The following GPHN variants were observed in gnomAD, a reference collection of about 807,000 sequenced individuals.
The protein encoded by GPHN is gephyrin.
Under a neutral mutation model 95.5 loss-of-function variants are expected in GPHN, and 17 were observed. The observed-to-expected ratio is 0.18, with a 90% CI of 0.12 to 0.27. GPHN has a LOEUF of 0.27. Ranked by LOEUF, GPHN falls within the 10% of genes least tolerant of loss-of-function variation. GPHN has a pLI of 1.00. For synonymous variants in GPHN, 320 were observed against 322.5 expected (o/e 0.99, Z 0.08); for missense variants, 660 against 978.1 (o/e 0.67, Z 4.34).
intron 4 of GPHN, among the ~76,000 whole-genome samples, chr14:66,878,816 C>T (rs914751467): frequency 6.6e-6 from 1 of 152,114 alleles, no homozygotes. Flanking sequence ...GGCGATTCCT[C>T]AAGGATCTAG....
the GPHN span, among the ~76,000 whole-genome samples, chr14:67,313,628 T>G: frequency 6.6e-6 from 1 of 152,088 alleles, no homozygotes; most frequent in African/African-American, 2.4e-5. Flanking sequence ...ATGATAAAAA[T>G]AGGGATATAG....
chr14:67,163,978 A>G (rs989664773), intron 19 of GPHN, among the ~76,000 whole-genome samples: 12 of 152,062 alleles, frequency 7.9e-5, no homozygotes, highest in African/African-American at 2.9e-4. Context: ...TTAAATTACT[A>G]TTAATTGTGG....
chr14:67,584,702 T>A, the GPHN span, among the ~76,000 whole-genome samples: 1 of 152,234 alleles, frequency 6.6e-6, no homozygotes, highest in Non-Finnish European at 1.5e-5. Flanking sequence ...TCCTACTATG[T>A]CCAGTGCTGG....
At chr14:66,606,420 T>C (rs2062538207) in intron 1 of GPHN, among the ~76,000 whole-genome samples, 2 of 151,948 alleles carry the variant, frequency 1.3e-5, no homozygotes, top group Non-Finnish European at 2.9e-5. Context: ...TGAAGTCAGG[T>C]AGTGTTCTTT....
chr14:66,699,957 G>A (rs2068405863), intron 2 of GPHN, among the ~76,000 whole-genome samples: 1 of 152,116 alleles, frequency 6.6e-6, no homozygotes, highest in Non-Finnish European at 1.5e-5. Context: ...GTTTTCTTAT[G>A]ACTGGATAAC....
At chr14:66,536,831 A>C (rs558954038) in intron 1 of GPHN, among the ~76,000 whole-genome samples, 1 of 151,948 alleles carries the variant, frequency 6.6e-6, no homozygotes, top group African/African-American at 2.4e-5. Context: ...CTGTTCTCTC[A>C]GTTTTGAGAG....
the GPHN span, among the ~76,000 whole-genome samples, chr14:67,430,862 G>T: frequency 6.6e-6 from 1 of 152,164 alleles, no homozygotes; most frequent in Non-Finnish European, 1.5e-5. Flanking sequence ...GTCCCTTCCT[G>T]CTGTGACTTT....
At chr14:67,433,680 C>T in the GPHN span, among the ~76,000 whole-genome samples, 1 of 152,088 alleles carries the variant, frequency 6.6e-6, no homozygotes, top group Non-Finnish European at 1.5e-5. Context: ...CTTAAAAAAG[C>T]AGTCATCACT....
At chr14:67,056,860 C>T (rs2075597979) in intron 10 of GPHN, among the ~76,000 whole-genome samples, 1 of 152,192 alleles carries the variant, frequency 6.6e-6, no homozygotes, top group South Asian at 2.1e-4. Context: ...GAGCCCTGCC[C>T]CGCAAGGAGG....
At chr14:67,270,705 C>T in the GPHN span, 1 of 151,572 alleles carries the variant, frequency 6.6e-6, no homozygotes, top group Admixed American at 6.6e-5. Flanking sequence ...GGAGTGCCTG[C>T]TTAAAAATTA....
chr14:67,625,342 G>A, the GPHN span, among the ~76,000 whole-genome samples: 1 of 152,034 alleles, frequency 6.6e-6, no homozygotes, highest in Non-Finnish European at 1.5e-5. Context: ...AATTAAACTT[G>A]ACTTAGCTAA....
the GPHN span, among the ~76,000 whole-genome samples, chr14:67,226,666 TTTTG>T: frequency 6.6e-6 from 1 of 152,006 alleles, no homozygotes; most frequent in African/African-American, 2.4e-5. Flanking sequence ...TGGCTGAGCA[TTTTG>T]TTTATTAACA....
In GPHN at chr14:66,576,552, G is replaced by T. The variant is rs189168230; in HGVS notation, c.64+67961G>T. Among the ~76,000 whole-genome samples, 455 of 152,002 alleles carry T rather than the reference G, an allele frequency of 3.0e-3. 3 individuals are homozygous for T. Among genetic ancestry groups the T allele is most frequent in the African/African-American group, 0.011 (437 of 41,440 alleles). On this transcript the variant is annotated intron_variant, in intron 1 of 22. Transcript: ENST00000478722. ...ATATCTCTAATAACAGGGGCTTCAG[G>T]ATTGCAATCTGCTTAGAAGAGTAGG...
At chr14:67,649,716 G>A in the GPHN span, 7 of 152,086 alleles carry the variant, frequency 4.6e-5, no homozygotes, top group African/African-American at 9.7e-5. Context: ...GATGCTGAAC[G>A]GACATGATGG....
At chr14:67,203,762 G>T in the GPHN span, among the ~76,000 whole-genome samples, 1,140 of 152,242 alleles carry the variant, frequency 7.5e-3, 7 homozygotes, top group Non-Finnish European at 0.01. Flanking sequence ...ACCCAGGCTG[G>T]AGTGCAATGG....
At chr14:67,208,089 G>T in the GPHN span, 2 of 1,437,118 alleles carry the variant, frequency 1.4e-6, no homozygotes, top group Non-Finnish European at 9.4e-7. Flanking sequence ...TACTCCTCAC[G>T]GGTGCTCAGT....
At chr14:66,891,763 T>TA (rs1555432773) in intron 5 of GPHN, among the ~76,000 whole-genome samples, 17 of 133,302 alleles carry the variant, frequency 1.3e-4, no homozygotes, top group Admixed American at 2.2e-4. Context: ...TATATATATA[T>TA]TTTTTTTAAT....
chr14:66,804,031 C>T (rs1461730481), intron 3 of GPHN, among the ~76,000 whole-genome samples: 2 of 151,682 alleles, frequency 1.3e-5, no homozygotes, highest in African/African-American at 4.9e-5. Context: ...TTTTTCCTCT[C>T]AATTTTGGGT....
the GPHN span, among the ~76,000 whole-genome samples, chr14:67,242,671 T>C: frequency 2.0e-5 from 3 of 151,586 alleles, no homozygotes; most frequent in East Asian, 3.9e-4. Flanking sequence ...CTATTGTGGA[T>C]AGGTTTTATA....
Sources: allele counts gnomAD v4.1 joint callset (sites outside exome capture counted in the v4.1 genomes callset), GRCh38; gene constraint gnomAD v4.1.1; transcripts MANE v1.5; gene names NCBI Gene and HGNC (gene_info 2026-07-23, HGNC 2026-07-21).